Variants in DCLK3 observed in about 807,000 individuals in gnomAD.
DCLK3 encodes the protein doublecortin like kinase 3.
Under a neutral mutation model 46.4 loss-of-function variants are expected in DCLK3, and 30 were observed. The ratio of observed to expected loss-of-function variants is 0.65; its 90% confidence interval spans 0.48 to 0.88. The LOEUF (loss-of-function observed/expected upper bound fraction) is 0.88. Ranked by LOEUF, DCLK3 falls within the 40% of genes least tolerant of loss-of-function variation. DCLK3 has a pLI of 0.00. For synonymous variants in DCLK3, 401 were observed against 339.2 expected (o/e 1.18, Z -2.00); for missense variants, 846 against 907.1 (o/e 0.93, Z 0.87).
chr3:36,727,144 C>T (rs899853441), intron 2 of DCLK3, among the ~76,000 whole-genome samples: 1 of 152,016 alleles, frequency 6.6e-6, no homozygotes, highest in East Asian at 1.9e-4. Context: ...AAAAAAACAG[C>T]TGGGCATGGT....
chr3:36,717,381 T>C (rs1700997553), intron 4 of DCLK3, among the ~76,000 whole-genome samples: 1 of 152,214 alleles, frequency 6.6e-6, no homozygotes, highest in Non-Finnish European at 1.5e-5. Flanking sequence ...ATTATAGGTA[T>C]GAGCCACCAC....
intron 3 of DCLK3, among the ~76,000 whole-genome samples, chr3:36,719,899 T>C (rs896259085): frequency 1.3e-5 from 2 of 152,244 alleles, no homozygotes; most frequent in Admixed American, 6.5e-5. Context: ...ATTTGCTTTC[T>C]TTTCTTCTCT....
chr3:36,754,803 C>G (rs1162153355), intron 1 of DCLK3, among the ~76,000 whole-genome samples: 3 of 152,130 alleles, frequency 2.0e-5, no homozygotes, highest in African/African-American at 7.2e-5. Flanking sequence ...TATTTCAATT[C>G]TAGGACATAC....
At chr3:36,757,804 C>A (rs1701501042) in intron 1 of DCLK3, among the ~76,000 whole-genome samples, 1 of 152,092 alleles carries the variant, frequency 6.6e-6, no homozygotes, top group Non-Finnish European at 1.5e-5. Flanking sequence ...ACCAACCACC[C>A]TCGACCTCCA....
rs112094652 is a variant in DCLK3 at position 36,757,043 on chromosome 3, T to C, written c.82+7139A>G. Among the ~76,000 whole-genome samples the C allele has an allele frequency of 4.5e-3, 689 of 152,224 alleles. 1 individual carries two copies. Among genetic ancestry groups the C allele is most frequent in the African/African-American group, 0.016 (660 of 41,536 alleles). On this transcript the variant is annotated intron_variant, in intron 1 of 4. Transcript: ENST00000636136. ...AAAGCCACTTCTGGCAATCTGCTCA[T>C]GTTGCTTCCCTCCATCAGTTGGTGC... is the stretch of plus-strand genomic sequence containing the variant.
chr3:36,728,730 G>A (rs1287581564), intron 2 of DCLK3, among the ~76,000 whole-genome samples: 3 of 152,304 alleles, frequency 2.0e-5, no homozygotes, highest in Admixed American at 6.5e-5. Flanking sequence ...ATAATCATGT[G>A]AGCCAAGTCC....
At chr3:36,723,176 C>T (rs1701082966) in intron 2 of DCLK3, among the ~76,000 whole-genome samples, 1 of 152,120 alleles carries the variant, frequency 6.6e-6, no homozygotes, top group South Asian at 2.1e-4. Flanking sequence ...TGGCATTTTG[C>T]CCCTGCCCTA....
intron 2 of DCLK3, among the ~76,000 whole-genome samples, chr3:36,731,494 G>T (rs1701198552): frequency 6.6e-6 from 1 of 151,558 alleles, no homozygotes; most frequent in African/African-American, 2.4e-5. Flanking sequence ...CTTGAAAGAG[G>T]TGTCTATACA....
intron 3 of DCLK3, among the ~76,000 whole-genome samples, chr3:36,719,931 A>G (rs1210330991): frequency 5.3e-5 from 8 of 152,188 alleles, no homozygotes; most frequent in Non-Finnish European, 1.2e-4. Flanking sequence ...TCGATGCCAC[A>G]CCAAGTCTAA....
intron 3 of DCLK3, among the ~76,000 whole-genome samples, chr3:36,718,907 A>G (rs1701022600): frequency 6.6e-6 from 1 of 152,200 alleles, no homozygotes; most frequent in Non-Finnish European, 1.5e-5. Context: ...TTTTCTAAAT[A>G]AAAATAGGAT....
chr3:36,715,435 C>T lies in DCLK3; in HGVS notation c.2347G>A (p.Glu783Lys), dbSNP rs369306232. The change falls in exon 5 of 5, where the codon GAA becomes AAA. Residue 783 changes from glutamate (E) to lysine (K), a missense_variant. Physicochemically the swap from Glu to Lys is moderately conservative, Grantham distance 56 (BLOSUM62 1). This residue lies in a region of DCLK3 where 247 missense variants were observed against 322.8 expected (regional missense o/e 0.77). Transcript: ENST00000636136. ...ACTGTATTGGTCTTGCCAGCTGTTTCGATCCAGGGGTGCTGAAGAACCTGA... is the reference window on the plus strand; with the variant it reads ...ACTGTATTGGTCTTGCCAGCTGTTTTGATCCAGGGGTGCTGAAGAACCTGA... ...AHQVLQHPWIETAGKTNTVKR... is the reference protein window; with the variant it reads ...AHQVLQHPWIKTAGKTNTVKR... 2.2e-5 allele frequency: 36 copies of T among 1,613,236 alleles called. No individual in the cohort carries two copies. The highest frequency in any genetic ancestry group is 2.5e-5 in the Non-Finnish European group (30 of 1,179,676).
chr3:36,721,668 A>C lies in DCLK3; in HGVS notation c.1960-9T>G, dbSNP rs1701062623. On this transcript the variant is annotated splice_polypyrimidine_tract_variant and intron_variant, in intron 2 of 4. Coordinates refer to ENST00000636136, the MANE Select transcript of DCLK3 (RefSeq NM_001394672.2). ...TCCTCATTTCGCTGAACCTGTAAGA[A>C]ACCAAAATCCCCAAACCACCAAAAT... The C allele has an allele frequency of 6.2e-7, 1 of 1,613,936 alleles. No individual in the cohort carries two copies. Among genetic ancestry groups the C allele is most frequent in the African/African-American group, 1.3e-5 (1 of 74,936 alleles).
chr3:36,723,611 C>G (rs896773564), intron 2 of DCLK3, among the ~76,000 whole-genome samples: 12 of 152,172 alleles, frequency 7.9e-5, no homozygotes, highest in Admixed American at 1.3e-4. Context: ...CCGCTCCAGC[C>G]ATGGCTGAAA....
chr3:36,743,710 AGAG>A, intron 1 of DCLK3, among the ~76,000 whole-genome samples: 1 of 152,320 alleles, frequency 6.6e-6, no homozygotes, highest in African/African-American at 2.4e-5. Context: ...CATATACAGA[AGAG>A]CAAGCACTAC....
intron 2 of DCLK3, among the ~76,000 whole-genome samples, chr3:36,726,137 T>C (rs1400467096): frequency 6.6e-6 from 1 of 152,100 alleles, no homozygotes; most frequent in Non-Finnish European, 1.5e-5. Flanking sequence ...ACCCAGCATA[T>C]CTTGCAGCAA....
intron 4 of DCLK3, 115 bp from the exon 5 acceptor site, chr3:36,715,636 G>A (rs552974077): frequency 1.7e-6 from 2 of 1,151,284 alleles, no homozygotes; most frequent in African/African-American, 3.1e-5. Flanking sequence ...CTGGCTGAAA[G>A]CCTCCTTCAT....
In DCLK3 at chr3:36,737,680, G is replaced by A. The variant is rs767622640; in HGVS notation, c.1487C>T (p.Thr496Met). The A allele has an allele frequency of 1.4e-5, 22 of 1,613,716 alleles. No homozygotes were observed. The highest frequency in any genetic ancestry group is 6.6e-5 in the South Asian group (6 of 90,990). ...CTCTGGCTTGTTCTCTTCTGGCCTC[G>A]TCTTGGGCTCCTTTTCTAGCTTTGC... Reference protein sequence around the residue: ...QPAKLEKEPKTRPEENKPERP... With the variant: ...QPAKLEKEPKMRPEENKPERP... Residue 496 changes from threonine to methionine, a missense_variant, in exon 2 of 5, where the codon ACG (threonine) becomes ATG (methionine). Transcript: ENST00000636136. The surrounding 1 kb of genome is among the most constrained non-coding windows in gnomAD (Gnocchi z 4.4).
chr3:36,715,407 T>G lies in DCLK3; in HGVS notation c.2375A>C (p.Lys792Thr), dbSNP rs1700964230. Residue 792 changes from lysine to threonine, a missense_variant, in exon 5 of 5, where the codon AAA (lysine) becomes ACA (threonine). This residue lies in a region of DCLK3 where 46 missense variants were observed against 41.3 expected (regional missense o/e 1.11). Coordinates refer to ENST00000636136, the MANE Select transcript of DCLK3 (RefSeq NM_001394672.2). ...IETAGKTNTV[K>T]RQKQVSPSSE... is the part of the protein sequence containing the mutation. ...GCTGGGGGACACCTGCTTCTGTCGT[T>G]TCACTGTATTGGTCTTGCCAGCTGT... is the stretch of plus-strand genomic sequence containing the variant. 1 of 1,614,044 alleles carries G rather than the reference T, an allele frequency of 6.2e-7. No individual in the cohort carries two copies. The highest frequency in any genetic ancestry group is 8.5e-7 in the Non-Finnish European group (1 of 1,180,012).
At chr3:36,740,140 T>A (rs1352742611) in intron 1 of DCLK3, among the ~76,000 whole-genome samples, 1 of 151,052 alleles carries the variant, frequency 6.6e-6, no homozygotes, top group Non-Finnish European at 1.5e-5. Flanking sequence ...TTTTTTTTTT[T>A]TTTCATTTAT....
Sources: allele counts gnomAD v4.1 joint callset (sites outside exome capture counted in the v4.1 genomes callset), GRCh38; gene constraint gnomAD v4.1.1; regional missense constraint gnomAD v4.1.1; non-coding constraint Gnocchi (gnomAD v3.1); transcripts MANE v1.5; gene names NCBI Gene and HGNC (gene_info 2026-07-23, HGNC 2026-07-21).